The following KATNAL2 variants were observed in gnomAD, a reference collection of about 807,000 sequenced individuals.
KATNAL2 encodes the protein katanin catalytic subunit A1 like 2.
KATNAL2 carries 52 observed loss-of-function variants against 76.3 expected under a neutral mutation model. The observed-to-expected ratio is 0.68, with a 90% CI of 0.55 to 0.86. KATNAL2 has a LOEUF of 0.86. Ranked by LOEUF, KATNAL2 falls within the 40% of genes least tolerant of loss-of-function variation. The pLI is 0.00. For missense variants in KATNAL2, 660 were observed against 668.9 expected (o/e 0.99, Z 0.15); for synonymous variants, 243 against 244.2 (o/e 1.00, Z 0.05).
At chr18:46,965,590 C>CT (rs1163122702) in intron 3 of KATNAL2, among the ~76,000 whole-genome samples, 2 of 96,978 alleles carry the variant, frequency 2.1e-5, no homozygotes, top group African/African-American at 8.5e-5. Context: ...CGCCCCCCCC[C>CT]CCCCGCCCCC....
At chr18:46,938,088 T>A (rs2059144237) in intron 1 of KATNAL2, among the ~76,000 whole-genome samples, 1 of 151,648 alleles carries the variant, frequency 6.6e-6, no homozygotes, top group Non-Finnish European at 1.5e-5. Flanking sequence ...CAAGACTCTG[T>A]CTCAAAAAAT....
At chr18:47,035,149 A>G (rs1276776670) in intron 3 of KATNAL2, 4 of 1,611,802 alleles carry the variant, frequency 2.5e-6, no homozygotes, top group Non-Finnish European at 3.4e-6. Context: ...GTCTGCCGTC[A>G]TGGGCAAGGC....
chr18:47,062,341 G>A (rs151238548), intron 8 of KATNAL2, among the ~76,000 whole-genome samples: 5 of 150,886 alleles, frequency 3.3e-5, no homozygotes, highest in Admixed American at 1.3e-4. Flanking sequence ...CTATGATTAC[G>A]CCACTGCATA....
At chr18:47,052,259 AC>A (rs2061359520) in intron 4 of KATNAL2, among the ~76,000 whole-genome samples, 2 of 152,248 alleles carry the variant, frequency 1.3e-5, no homozygotes, top group Non-Finnish European at 2.9e-5. Flanking sequence ...AGATCAAGGT[AC>A]TACTTTTATA....
chr18:47,072,558 A>T (rs1273783065), intron 13 of KATNAL2, among the ~76,000 whole-genome samples: 2 of 151,924 alleles, frequency 1.3e-5, no homozygotes, highest in African/African-American at 2.4e-5. Flanking sequence ...TAATCTTCCC[A>T]CCTCAGCCTC....
intron 1 of KATNAL2, among the ~76,000 whole-genome samples, chr18:46,925,445 G>T: frequency 6.6e-6 from 1 of 152,166 alleles, no homozygotes; most frequent in Non-Finnish European, 1.5e-5. Flanking sequence ...CTTGATCATG[G>T]TGGATAAGCT....
chr18:47,083,467 G>A (rs772392796), intron 15 of KATNAL2, among the ~76,000 whole-genome samples: 28 of 152,108 alleles, frequency 1.8e-4, no homozygotes, highest in Non-Finnish European at 3.4e-4. Flanking sequence ...CTTTACTGCT[G>A]GTTGACTTAC....
intron 15 of KATNAL2, among the ~76,000 whole-genome samples, chr18:47,078,412 A>T: frequency 6.6e-6 from 1 of 152,190 alleles, no homozygotes; most frequent in African/African-American, 2.4e-5. Context: ...CCTCCCCTTG[A>T]ATCTAGAATA....
chr18:47,055,051 A>T (rs2061433328), intron 6 of KATNAL2, among the ~76,000 whole-genome samples: 1 of 152,126 alleles, frequency 6.6e-6, no homozygotes, highest in South Asian at 2.1e-4. Flanking sequence ...CTCTGATGGG[A>T]GCCCCTCTGT....
chr18:47,085,460 G>C (rs2062727838), intron 15 of KATNAL2, among the ~76,000 whole-genome samples: 1 of 152,172 alleles, frequency 6.6e-6, no homozygotes, highest in Non-Finnish European at 1.5e-5. Flanking sequence ...AGGTTAGAAG[G>C]ATGAGAGGAG....
At chr18:47,034,307 G>C (rs1284129446) in intron 3 of KATNAL2, 8 of 1,613,156 alleles carry the variant, frequency 5.0e-6, no homozygotes, top group Admixed American at 1.7e-5. Context: ...CGGCCGTCTA[G>C]ACTGGGCCTC....
chr18:46,954,374 A>G, intron 3 of KATNAL2, among the ~76,000 whole-genome samples: 1 of 130,826 alleles, frequency 7.6e-6, no homozygotes, highest in Non-Finnish European at 1.5e-5. Flanking sequence ...CTCTGTCACC[A>G]GGCGGGAGTA....
At chr18:47,084,212 G>A (rs755009049) in intron 15 of KATNAL2, 2 of 589,046 alleles carry the variant, frequency 3.4e-6, no homozygotes, top group African/African-American at 1.9e-5. Flanking sequence ...ATGTCTTTCT[G>A]TTATCTATGT....
intron 1 of KATNAL2, among the ~76,000 whole-genome samples, chr18:46,929,004 G>C (rs1466189524): frequency 1.3e-5 from 2 of 151,942 alleles, no homozygotes; most frequent in Non-Finnish European, 2.9e-5. Context: ...TCACCATTTG[G>C]GCAGGCTGGT....
intron 17 of KATNAL2, among the ~76,000 whole-genome samples, 170 bp from the exon 18 acceptor site, chr18:47,100,696 T>G (rs1183113213): frequency 1.3e-5 from 2 of 152,230 alleles, no homozygotes; most frequent in Non-Finnish European, 2.9e-5. Context: ...CTAACTCAGT[T>G]GCACGTTAAA....
chr18:46,934,359 A>C (rs1391331539), intron 1 of KATNAL2, among the ~76,000 whole-genome samples: 1 of 152,192 alleles, frequency 6.6e-6, no homozygotes, highest in Non-Finnish European at 1.5e-5. Flanking sequence ...GCGAGATGGT[A>C]TCTCATTGTG....
intron 6 of KATNAL2, among the ~76,000 whole-genome samples, chr18:47,055,656 T>C (rs2576040): frequency 0.6 from 90,928 of 152,178 alleles, 27,486 homozygotes; most frequent in East Asian, 0.69. Flanking sequence ...TTCCACAAAG[T>C]TAGTCAGACT....
In KATNAL2 at chr18:46,962,311, A is replaced by G. The variant is rs867452010; in HGVS notation, c.51+15388A>G. Among the ~76,000 whole-genome samples the G allele has an allele frequency of 6.1e-3, 756 of 124,484 alleles. 43 individuals are homozygous for G. The highest frequency in any genetic ancestry group is 0.025 in the African/African-American group (704 of 27,630). The allele number at this position is 124,484 out of a possible 152,430, so 81.7% of individuals were successfully genotyped here. On this transcript the variant is annotated intron_variant, in intron 3 of 17. Transcript: ENST00000683218. ...GATCATGCCCGGCCTTTTCCCTAAA[A>G]GAAAACACCAACAGCAACAAAACAT... is the stretch of plus-strand genomic sequence containing the variant.
At chr18:47,039,041 C>T (rs943137664) in intron 3 of KATNAL2, among the ~76,000 whole-genome samples, 3 of 152,114 alleles carry the variant, frequency 2.0e-5, no homozygotes, top group Non-Finnish European at 4.4e-5. Flanking sequence ...CCTCATGGTG[C>T]TGTGTGTGAT....
Sources: gnomAD v4.1 joint callset for allele counts (sites outside exome capture counted in the v4.1 genomes callset) on GRCh38, gnomAD v4.1.1 for gene constraint, MANE v1.5 for transcripts, NCBI Gene and HGNC (gene_info 2026-07-23, HGNC 2026-07-21) for gene names.